The following PHF8 variants were observed in gnomAD, a reference collection of about 807,000 sequenced individuals.
PHF8 encodes PHD finger protein 8, also known as histone lysine demethylase PHF8.
Under a neutral mutation model 74.4 loss-of-function variants are expected in PHF8, and 9 were observed. That is an observed-to-expected ratio of 0.12 (90% confidence interval 0.07 to 0.21). The LOEUF is 0.21. PHF8 is among the 10% of genes least tolerant of loss of function. The probability of loss-of-function intolerance (pLI) is 1.00; values close to 1 mark genes in which losing one functional copy is unlikely to be tolerated. For missense variants in PHF8, 478 were observed against 816.6 expected (o/e 0.59, Z 5.05); for synonymous variants, 311 against 316.6 (o/e 0.98, Z 0.19).
At position 53,937,896 on chromosome X, in the gene PHF8, G is replaced by A; in HGVS notation, c.*1262C>T. Reference sequence around the variant, plus strand: ...GATTGCCAGTGAGGCAAGGCGGTGGGAGGTGGGGGCACTGTCTGGACAATG... The same window carrying A: ...GATTGCCAGTGAGGCAAGGCGGTGGAAGGTGGGGGCACTGTCTGGACAATG... On this transcript the variant is annotated 3_prime_UTR_variant, in exon 22 of 22. Coordinates refer to ENST00000338154, the MANE Select transcript of PHF8 (RefSeq NM_015107.3). 1 of 807,457 alleles carries A rather than the reference G, an allele frequency of 1.2e-6. No individual in the cohort carries two copies. The highest frequency in any genetic ancestry group is 1.8e-6 in the Non-Finnish European group (1 of 554,205). The allele number at this position is 807,457 out of a possible 1,213,427, so 66.5% of individuals were successfully genotyped here.
intron 10 of PHF8, among the ~76,000 whole-genome samples, chrX:54,001,301 G>A (rs1557104168): frequency 9.1e-6 from 1 of 110,253 alleles, no homozygotes; most frequent in Non-Finnish European, 1.9e-5. Flanking sequence ...ACTCCAGCCT[G>A]GTGACAGAGC....
chrX:54,027,255 CTTCTG>C (rs1195388226), intron 2 of PHF8, among the ~76,000 whole-genome samples: 2 of 111,156 alleles, frequency 1.8e-5, no homozygotes, highest in African/African-American at 3.3e-5. Flanking sequence ...TCCTCCCTCC[CTTCTG>C]TCCGCCCCTT....
intron 16 of PHF8, 23 bp from the exon 17 acceptor site, chrX:53,985,972 C>T (rs781941646): frequency 8.3e-7 from 1 of 1,203,826 alleles, no homozygotes; most frequent in African/African-American, 1.7e-5. Flanking sequence ...GAGTGTATCA[C>T]CTCAGCTGCC....
rs1012936116 is a variant in PHF8, at chrX:53,938,484, C to T, written c.*674G>A. On this transcript the variant is annotated 3_prime_UTR_variant, in exon 22 of 22. Coordinates refer to ENST00000338154, the MANE Select transcript of PHF8 (RefSeq NM_015107.3). ...TCAAAGGCTTGGGCATCTGACCTCTCCCTACCTTGACAAGTGATAGGAATC... is the reference window on the plus strand; with the variant it reads ...TCAAAGGCTTGGGCATCTGACCTCTTCCTACCTTGACAAGTGATAGGAATC... 1.3e-6 allele frequency: 1 copy of T among 769,831 alleles called. No individual in the cohort carries two copies. The highest frequency in any genetic ancestry group is 1.5e-6 in the Non-Finnish European group (1 of 649,288). The allele number at this position is 769,831 out of a possible 1,213,427, so 63.4% of individuals were successfully genotyped here. A position where few individuals can be genotyped will look rare whatever the true frequency, so the allele number is the denominator to read the frequency against.
intron 19 of PHF8, among the ~76,000 whole-genome samples, chrX:53,958,755 G>A (rs976314442): frequency 3.8e-5 from 3 of 78,599 alleles, no homozygotes; most frequent in African/African-American, 1.7e-4. Context: ...CAGCCTGGGC[G>A]ACAGAGCAAG....
chrX:54,006,830 C>T (rs1235071191), intron 8 of PHF8, among the ~76,000 whole-genome samples: 1 of 107,136 alleles, frequency 9.3e-6, no homozygotes, highest in Non-Finnish European at 1.9e-5. Context: ...CCCAGCTACT[C>T]GGGAGGCTAA....
At chrX:53,986,977 G>A (rs1357303985) in intron 16 of PHF8, 101 bp downstream of exon 16, 1 of 528,756 alleles carries the variant, frequency 1.9e-6, no homozygotes, top group African/African-American at 2.3e-5. Flanking sequence ...TGAATGCAAA[G>A]GATGTCTTCC....
chrX:53,940,170 G>A lies in PHF8; in HGVS notation c.2986+10C>T. The A allele has an allele frequency of 3.5e-6, 4 of 1,151,888 alleles. No homozygotes were observed. Among genetic ancestry groups the A allele is most frequent in the Non-Finnish European group, 4.7e-6 (4 of 856,635 alleles). The allele number at this position is 1,151,888 out of a possible 1,213,427, so 94.9% of individuals were successfully genotyped here. ...GATCCTTCGGTTCTACAACCATATG[G>A]CCGTTGTACCTTGTCCTGCCTGATT... On this transcript the variant is annotated intron_variant, in intron 21 of 21. Transcript: ENST00000338154.
chrX:54,036,571 C>CAAAAA (rs1160936317), intron 2 of PHF8, among the ~76,000 whole-genome samples: 2 of 6,187 alleles, frequency 3.2e-4, no homozygotes, highest in Non-Finnish European at 7.1e-4. Context: ...GACACTGTCT[C>CAAAAA]AAAAAAAAAA....
chrX:54,016,975 A>C (rs1304446528), intron 5 of PHF8, among the ~76,000 whole-genome samples: 1 of 112,488 alleles, frequency 8.9e-6, no homozygotes, highest in Non-Finnish European at 1.9e-5. Flanking sequence ...ATAGTAGTCC[A>C]TCTGCCTGGG....
At chrX:54,000,320 A>C (rs904059410) in intron 10 of PHF8, among the ~76,000 whole-genome samples, 6 of 111,732 alleles carry the variant, frequency 5.4e-5, no homozygotes, top group African/African-American at 2.0e-4. Flanking sequence ...CTTCCATGAC[A>C]TTACTGTGCC....
chrX:54,047,513 T>C (rs1557117648), upstream of PHF8, among the ~76,000 whole-genome samples: 1 of 111,997 alleles, frequency 8.9e-6, no homozygotes, highest in Non-Finnish European at 1.9e-5. Context: ...GATAAGGCCC[T>C]GGCCTGCATG....
At chrX:53,949,587 T>C (rs1325456040) in intron 19 of PHF8, among the ~76,000 whole-genome samples, 1 of 108,732 alleles carries the variant, frequency 9.2e-6, no homozygotes, top group East Asian at 2.9e-4. Context: ...CCAAGGTGGG[T>C]GGATCAGGAG....
intron 2 of PHF8, among the ~76,000 whole-genome samples, chrX:54,036,204 A>G (rs1454847104): frequency 1.8e-5 from 2 of 110,574 alleles, no homozygotes; most frequent in East Asian, 5.6e-4. Flanking sequence ...CATTTATAGA[A>G]CACTCTACCC....
At chrX:53,948,717 C>T (rs1326187315) in intron 19 of PHF8, among the ~76,000 whole-genome samples, 1 of 111,690 alleles carries the variant, frequency 9.0e-6, no homozygotes, top group Non-Finnish European at 1.9e-5. Flanking sequence ...ATCCCTTCTA[C>T]TTTTACATAT....
chrX:54,020,523 C>G (rs2066152328), intron 4 of PHF8, among the ~76,000 whole-genome samples: 1 of 110,198 alleles, frequency 9.1e-6, no homozygotes, highest in Non-Finnish European at 1.9e-5. Flanking sequence ...TAAAAAAAAG[C>G]AAGATACAGA....
intron 3 of PHF8, 55 bp from the exon 4 acceptor site, chrX:54,022,422 C>T: frequency 1.2e-6 from 1 of 807,409 alleles, no homozygotes; most frequent in Non-Finnish European, 1.9e-6. Flanking sequence ...AGCTATGATA[C>T]CAAGAACAAA....
intron 2 of PHF8, among the ~76,000 whole-genome samples, chrX:54,023,311 T>C (rs2066208722): frequency 9.0e-6 from 1 of 110,620 alleles, no homozygotes; most frequent in Non-Finnish European, 1.9e-5. Context: ...GATACTTTAT[T>C]AAACGAAAAA....
chrX:54,027,201 T>C (rs952043677), intron 2 of PHF8, among the ~76,000 whole-genome samples: 4 of 111,324 alleles, frequency 3.6e-5, no homozygotes, highest in African/African-American at 9.8e-5. Context: ...AACAAGTCTA[T>C]TGATGTTTAC....
Sources: gnomAD v4.1 joint callset for allele counts (sites outside exome capture counted in the v4.1 genomes callset) on GRCh38, gnomAD v4.1.1 for gene constraint, MANE v1.5 for transcripts, NCBI Gene and HGNC (gene_info 2026-07-23, HGNC 2026-07-21) for gene names.